ARMCX4: variants seen among roughly 807,000 people sequenced by gnomAD.
ARMCX4 encodes armadillo repeat containing X-linked 4.
A neutral mutation model predicts 34.7 loss-of-function variants in ARMCX4; 3 were observed. That is an observed-to-expected ratio of 0.09 (90% CI 0.04 to 0.22). ARMCX4 has a LOEUF of 0.22. Among genes scored for constraint, ARMCX4 ranks in the 10% least tolerant of loss-of-function variants. The pLI is 1.00. For missense variants in ARMCX4, 1,448 were observed against 1,720.8 expected, an observed-to-expected ratio of 0.84 and a Z score of 2.81; for synonymous variants, 513 against 632.8, an observed-to-expected ratio of 0.81 and a Z score of 2.84.
chrX:101,496,254 T>C (rs782389746), downstream of ARMCX4, among the ~76,000 whole-genome samples: 2 of 110,304 alleles, frequency 1.8e-5, no homozygotes, highest in East Asian at 5.7e-4. Context: ...ATCAAGGCCT[T>C]TTGTGACCGG....
chrX:101,493,439 A>G lies in ARMCX4; in HGVS notation c.4850A>G (p.Gln1617Arg). 1 of 1,154,949 alleles carries G rather than the reference A, an allele frequency of 8.7e-7. No homozygotes were observed. Among genetic ancestry groups the G allele is most frequent in the Non-Finnish European group, 1.1e-6 (1 of 872,552 alleles). ...GIGSWGVAGG[Q>R]VLGGARPGPA... ...GGTTCCTGGGGTGTGGCTGGTGGCC[A>G]GGTCCTTGGGGGAGCTAGGCCGGGG... Residue 1617 changes from glutamine to arginine, a missense_variant, in exon 6 of 6, where the codon CAG (glutamine) becomes CGG (arginine). Transcript: ENST00000423738.
intron 2 of ARMCX4, among the ~76,000 whole-genome samples, chrX:101,435,424 C>T (rs1456872721): frequency 9.0e-6 from 1 of 111,655 alleles, no homozygotes; most frequent in Non-Finnish European, 1.9e-5. Context: ...CTTTTGGCTG[C>T]ATAAATGTCT....
In ARMCX4 at chrX:101,461,683, A is replaced by C. The variant is rs1932616779; in HGVS notation, c.-473+15639A>C. Among the ~76,000 whole-genome samples the C allele has an allele frequency of 1.8e-5, 2 of 111,925 alleles. 1 individual carries two copies. Among genetic ancestry groups the C allele is most frequent in the South Asian group, 7.3e-4 (2 of 2,724 alleles). On this transcript the variant is annotated intron_variant and NMD_transcript_variant, in intron 4 of 15. Coordinates refer to the ARMCX4 transcript ENST00000433011. The stretch of plus-strand genomic sequence containing the variant: ...CATTTTATATTCCTACAAGCAATAC[A>C]CAAGGGTTCCAATTTCTCCACATCC...
intron 11 of ARMCX4, among the ~76,000 whole-genome samples, chrX:101,513,856 G>A (rs1934650646): frequency 9.3e-6 from 1 of 108,031 alleles, no homozygotes. Flanking sequence ...CACAGGGCAT[G>A]GAAACACTAA....
rs782443596 is a variant in ARMCX4 at position 101,487,352 on chromosome X, C to T, written c.-287+80C>T. 3.2e-5 allele frequency: 5 copies of T among 156,322 alleles called. No homozygotes were observed. In the South Asian group the frequency reaches 5.8e-4, roughly 18 times the overall value. 12.9% of individuals were successfully genotyped at this position (156,322 alleles called of 1,213,427 possible). A position where few individuals can be genotyped will look rare whatever the true frequency, so the allele number is the denominator to read the frequency against. On this transcript the variant is annotated intron_variant, in intron 3 of 5. Transcript: ENST00000423738. The stretch of plus-strand genomic sequence containing the variant: ...AGGTGGGTGAGATTTAAGAGGGTCT[C>T]AGTGGAGTGCTGGATTGCCACAGTG...
chrX:101,474,289 A>C (rs1676749221), intron 4 of ARMCX4, among the ~76,000 whole-genome samples: 1 of 97,283 alleles, frequency 1.0e-5, no homozygotes. Context: ...TAGACCAATA[A>C]CAGGAGCTGA....
intron 8 of ARMCX4, among the ~76,000 whole-genome samples, chrX:101,506,202 C>T (rs1297125015): frequency 3.6e-5 from 4 of 112,339 alleles, no homozygotes; most frequent in African/African-American, 1.3e-4. Context: ...ACTCCTCCCA[C>T]TGCTCCCTCA....
At chrX:101,475,924 T>G (rs1334899678) in intron 4 of ARMCX4, among the ~76,000 whole-genome samples, 2 of 111,174 alleles carry the variant, frequency 1.8e-5, no homozygotes, top group Non-Finnish European at 3.8e-5. Flanking sequence ...GCACACCTTT[T>G]TCAATAATCC....
downstream of ARMCX4, among the ~76,000 whole-genome samples, chrX:101,449,735 T>C (rs1931869702): frequency 8.9e-6 from 1 of 111,976 alleles, no homozygotes; most frequent in South Asian, 3.7e-4. Context: ...TTTTGTACGG[T>C]GAGGTCGTGT....
At chrX:101,432,495 T>G (rs782737173) in intron 2 of ARMCX4, among the ~76,000 whole-genome samples, 9 of 110,130 alleles carry the variant, frequency 8.2e-5, no homozygotes, top group Non-Finnish European at 1.7e-4. Context: ...ACCCCGTCTC[T>G]ACTGGAAATA....
downstream of ARMCX4, among the ~76,000 whole-genome samples, chrX:101,497,834 C>A (rs2147683202): frequency 8.9e-6 from 1 of 112,088 alleles, no homozygotes; most frequent in South Asian, 3.7e-4. Flanking sequence ...TCGATGGCCA[C>A]CAACTTACTC....
chrX:101,454,696 T>C (rs781924603), intron 4 of ARMCX4, among the ~76,000 whole-genome samples: 9 of 111,214 alleles, frequency 8.1e-5, no homozygotes, highest in African/African-American at 9.8e-5. Context: ...AAGCACACCA[T>C]TGAGGTAGTG....
At chrX:101,451,823 A>G (rs782336012), downstream of ARMCX4, among the ~76,000 whole-genome samples, 1 of 112,480 alleles carries the variant, frequency 8.9e-6, no homozygotes, top group African/African-American at 3.2e-5. Flanking sequence ...TCTCAACTCT[A>G]TGTCAACGTA....
chrX:101,504,320 G>C (rs987494063), intron 7 of ARMCX4, among the ~76,000 whole-genome samples: 1 of 111,556 alleles, frequency 9.0e-6, no homozygotes, highest in Non-Finnish European at 1.9e-5. Flanking sequence ...CCAATTCTGT[G>C]AAGAAAGTCA....
chrX:101,521,036 A>T (rs1465774964), intron 11 of ARMCX4, among the ~76,000 whole-genome samples: 1 of 107,299 alleles, frequency 9.3e-6, no homozygotes, highest in Non-Finnish European at 1.9e-5. Flanking sequence ...GGTTGAAGCG[A>T]TCCTCCTTCC....
intron 2 of ARMCX4, among the ~76,000 whole-genome samples, chrX:101,433,031 CGT>C (rs1205730458): frequency 1.2e-5 from 1 of 80,244 alleles, no homozygotes; most frequent in Non-Finnish European, 2.7e-5. Context: ...TATACATACA[CGT>C]GTATATACAC....
intron 2 of ARMCX4, among the ~76,000 whole-genome samples, chrX:101,438,557 T>A (rs1208751783): frequency 9.0e-6 from 1 of 110,582 alleles, no homozygotes; most frequent in Non-Finnish European, 1.9e-5. Flanking sequence ...AGAGCGAGAT[T>A]CTGTTCCCCC....
chrX:101,445,084 CAT>C (rs1191283731), intron 3 of ARMCX4, among the ~76,000 whole-genome samples: 1 of 111,883 alleles, frequency 8.9e-6, no homozygotes, highest in Non-Finnish European at 1.9e-5. Context: ...GAAAGTAAGA[CAT>C]GATGTATTTT....
At chrX:101,480,157 C>CACAG (rs59858445) in intron 4 of ARMCX4, among the ~76,000 whole-genome samples, 19,564 of 104,496 alleles carry the variant, frequency 0.19, 1,948 homozygotes, top group East Asian at 0.41. Context: ...CACACACACA[C>CACAG]ACACACACAC....
Sources: gnomAD v4.1 joint callset for allele counts (sites outside exome capture counted in the v4.1 genomes callset) on GRCh38, gnomAD v4.1.1 for gene constraint, MANE v1.5 for transcripts, NCBI Gene and HGNC (gene_info 2026-07-23, HGNC 2026-07-21) for gene names.